Variants in PACSIN2 observed in about 807,000 individuals in gnomAD.
The protein encoded by PACSIN2 is protein kinase C and casein kinase substrate in neurons protein 2.
PACSIN2 carries 25 observed loss-of-function variants against 63.8 expected under a neutral mutation model. The ratio of observed to expected loss-of-function variants is 0.39; its 90% CI spans 0.29 to 0.55. The LOEUF (loss-of-function observed/expected upper bound fraction) is 0.55, where lower values mean the gene tolerates loss of function less well. Among genes scored for constraint, PACSIN2 ranks in the 20% least tolerant of loss-of-function variants. The probability of loss-of-function intolerance (pLI) is 0.62; values close to 1 mark genes in which losing one functional copy is unlikely to be tolerated. For missense variants in PACSIN2, 518 were observed against 646.9 expected, an observed-to-expected ratio of 0.80 and a Z score of 2.16; for synonymous variants, 255 against 256.2, an observed-to-expected ratio of 1.00 and a Z score of 0.05.
chr22:42,918,144 A>G (rs554867184), intron 1 of PACSIN2, among the ~76,000 whole-genome samples: 4 of 152,214 alleles, frequency 2.6e-5, no homozygotes, highest in Non-Finnish European at 4.4e-5. Flanking sequence ...CCCCATCCTG[A>G]GTAGGAACCA....
At chr22:42,937,204 T>A (rs1031152433) in intron 1 of PACSIN2, among the ~76,000 whole-genome samples, 2 of 152,056 alleles carry the variant, frequency 1.3e-5, no homozygotes, top group South Asian at 4.2e-4. Flanking sequence ...GAAAGGAGAC[T>A]GCTTCTAAAC....
chr22:43,009,813 T>C (rs945109719), intron 1 of PACSIN2, among the ~76,000 whole-genome samples: 1 of 152,160 alleles, frequency 6.6e-6, no homozygotes, highest in Non-Finnish European at 1.5e-5. Context: ...TTTATCATTT[T>C]TAAGGCTTCT....
intron 2 of PACSIN2, among the ~76,000 whole-genome samples, chr22:42,904,617 G>C (rs965435898): frequency 1.3e-5 from 2 of 152,188 alleles, no homozygotes; most frequent in African/African-American, 4.8e-5. Flanking sequence ...CGATGATCTA[G>C]TGGGGAAACG....
chr22:42,960,252 G>C (rs1934083477), intron 1 of PACSIN2, among the ~76,000 whole-genome samples: 1 of 152,198 alleles, frequency 6.6e-6, no homozygotes, highest in African/African-American at 2.4e-5. Flanking sequence ...GCATCTGAGG[G>C]GCGTCACAGC....
At chr22:42,948,773 C>T (rs976849375) in intron 1 of PACSIN2, among the ~76,000 whole-genome samples, 1 of 152,224 alleles carries the variant, frequency 6.6e-6, no homozygotes, top group Non-Finnish European at 1.5e-5. Context: ...AAGGTATCAG[C>T]TAGAGCCAAA....
intron 1 of PACSIN2, among the ~76,000 whole-genome samples, chr22:42,994,868 C>A (rs2146909002): frequency 6.6e-6 from 1 of 152,336 alleles, no homozygotes; most frequent in East Asian, 1.9e-4. Context: ...AATGCAGCTG[C>A]CTCTTCCCTG....
intron 1 of PACSIN2, among the ~76,000 whole-genome samples, chr22:42,992,946 C>T (rs767796899): frequency 2.3e-4 from 35 of 152,096 alleles, no homozygotes; most frequent in Non-Finnish European, 3.2e-4. Flanking sequence ...GGCAGATTGC[C>T]CGAGCTCAGG....
chr22:42,910,423 G>A (rs1931372226), intron 2 of PACSIN2, among the ~76,000 whole-genome samples: 1 of 152,194 alleles, frequency 6.6e-6, no homozygotes, highest in Non-Finnish European at 1.5e-5. Flanking sequence ...CTCCATAAGC[G>A]CTCCTGCACT....
intron 1 of PACSIN2, among the ~76,000 whole-genome samples, chr22:42,981,901 G>A (rs1343693631): frequency 5.7e-3 from 349 of 60,922 alleles, no homozygotes; most frequent in African/African-American, 6.6e-3. Context: ...CTGGCCAGCC[G>A]CCCCGTCCGG....
Position 42,882,254 on chromosome 22 carries a change from G to A in PACSIN2, c.836C>T (p.Ala279Val), listed in dbSNP as rs767710408. The change falls in exon 7 of 11, where the codon GCA (alanine) becomes GTA (valine). Residue 279 changes from alanine to valine, a missense_variant. Physicochemically the swap from Ala to Val is moderately conservative, Grantham distance 64 (BLOSUM62 0). This residue lies in a region of PACSIN2 where 507 missense variants were observed against 612.3 expected (regional missense o/e 0.83). Transcript: ENST00000263246. Reference sequence around the variant, plus strand: ...TCGGAACCACCTCAGGTCCTCCACTGCATCAGCTGCTCTGATGCTCTGCTC... The same window carrying A: ...TCGGAACCACCTCAGGTCCTCCACTACATCAGCTGCTCTGATGCTCTGCTC... Reference protein sequence around the residue: ...DLEQSIRAADAVEDLRWFRAN... With the variant: ...DLEQSIRAADVVEDLRWFRAN... The A allele has an allele frequency of 1.5e-5, 24 of 1,613,858 alleles. No homozygotes were observed. The highest frequency in any genetic ancestry group is 8.8e-5 in the South Asian group (8 of 91,076).
At chr22:42,903,377 T>C (rs1196144764) in intron 2 of PACSIN2, among the ~76,000 whole-genome samples, 2 of 152,232 alleles carry the variant, frequency 1.3e-5, no homozygotes, top group Admixed American at 6.5e-5. Context: ...AATCTTCCTT[T>C]CCAAACGGGG....
intron 1 of PACSIN2, among the ~76,000 whole-genome samples, chr22:42,981,761 T>C (rs1238368970): frequency 2.7e-5 from 3 of 109,838 alleles, no homozygotes; most frequent in African/African-American, 7.3e-5. Context: ...AGTCGCCCCG[T>C]CCAGGAGGGA....
chr22:42,941,327 C>A (rs1281849914), intron 1 of PACSIN2, among the ~76,000 whole-genome samples: 1 of 152,192 alleles, frequency 6.6e-6, no homozygotes, highest in Non-Finnish European at 1.5e-5. Context: ...GCCACTTTTC[C>A]GCTATTAATA....
At chr22:42,912,241 T>G in intron 1 of PACSIN2, 84 bp from the exon 2 acceptor site, 1 of 578,878 alleles carries the variant, frequency 1.7e-6, no homozygotes, top group Non-Finnish European at 3.0e-6. Flanking sequence ...AACTTCCCGT[T>G]TCTAATCACT....
chr22:42,997,555 C>CAA (rs979384311), intron 1 of PACSIN2, among the ~76,000 whole-genome samples: 1 of 121,530 alleles, frequency 8.2e-6, no homozygotes, highest in Non-Finnish European at 1.8e-5. Context: ...GACTCCGTCT[C>CAA]AAAAAAAAAA....
At chr22:43,010,349 G>A (rs1438937369) in intron 1 of PACSIN2, among the ~76,000 whole-genome samples, 1 of 146,188 alleles carries the variant, frequency 6.8e-6, no homozygotes, top group Non-Finnish European at 1.5e-5. Context: ...GACCAGCCTG[G>A]CAAACATGGC....
chr22:42,947,559 G>T (rs1933480142), intron 1 of PACSIN2, among the ~76,000 whole-genome samples: 1 of 151,938 alleles, frequency 6.6e-6, no homozygotes, highest in Non-Finnish European at 1.5e-5. Context: ...GTCTGAACAA[G>T]CTGAATATGA....
chr22:43,013,711 GGAA>G (rs1184943704), intron 1 of PACSIN2, among the ~76,000 whole-genome samples: 2 of 152,222 alleles, frequency 1.3e-5, no homozygotes, highest in African/African-American at 4.8e-5. Context: ...AAGGAGGGAA[GGAA>G]GAAGGTGTGA....
intron 1 of PACSIN2, among the ~76,000 whole-genome samples, chr22:42,954,423 G>T (rs1933830152): frequency 6.6e-6 from 1 of 152,018 alleles, no homozygotes; most frequent in Non-Finnish European, 1.5e-5. Context: ...TTGAGACAGG[G>T]TGTCCCTCTG....
Sources: gnomAD v4.1 joint callset for allele counts (sites outside exome capture counted in the v4.1 genomes callset) on GRCh38, gnomAD v4.1.1 for gene constraint, gnomAD v4.1.1 regional missense constraint, MANE v1.5 for transcripts, NCBI Gene and HGNC (gene_info 2026-07-23, HGNC 2026-07-21) for gene names.